FANCD2: variants seen among roughly 807,000 people sequenced by gnomAD.
The protein encoded by FANCD2 is Fanconi anemia group D2 protein.
In FANCD2, 131 loss-of-function variants were observed where a neutral mutation model predicts 192.3. The observed-to-expected ratio is 0.68, with a 90% CI of 0.59 to 0.79. FANCD2 has a LOEUF of 0.79. FANCD2 is among the 30% of genes least tolerant of loss of function. The pLI is 0.00. For missense variants in FANCD2, 1,508 were observed against 1,701.6 expected, an observed-to-expected ratio of 0.89 and a Z score of 2.00; for synonymous variants, 524 against 612.5, an observed-to-expected ratio of 0.86 and a Z score of 2.13.
intron 39 of FANCD2, 78 bp downstream of exon 39, chr3:10,093,401 T>C: frequency 8.0e-7 from 1 of 1,250,688 alleles, no homozygotes; most frequent in Non-Finnish European, 1.2e-6. Context: ...CTGAGATAAA[T>C]TGCTCAATTT....
Position 10,032,839 on chromosome 3 carries a change from G to A in FANCD2, c.72G>A (p.Arg24=), listed in dbSNP as rs1182307046. 1 of 1,612,652 alleles carries A rather than the reference G, an allele frequency of 6.2e-7. No homozygotes were observed. Among genetic ancestry groups the A allele is most frequent in the Non-Finnish European group, 8.5e-7 (1 of 1,179,312 alleles). The stretch of plus-strand genomic sequence containing the variant: ...AAATTTTTCTATTTTCAGAAACCAG[G>A]AAGCAACCACTTTCCAAAAAGACAA... ...ESLTEDASKT[R]KQPLSKKTKK... The change falls in exon 3 of 44, where the codon AGG becomes AGA. Residue 24 remains arginine (R), a synonymous_variant. Transcript: ENST00000675286.
chr3:10,033,921 T>A (rs1204629423), intron 3 of FANCD2, among the ~76,000 whole-genome samples: 1 of 150,858 alleles, frequency 6.6e-6, no homozygotes, highest in Non-Finnish European at 1.5e-5. Context: ...ATGGTCTTGA[T>A]CTCCTGACCT....
intron 21 of FANCD2, 61 bp downstream of exon 21, chr3:10,063,972 C>G: frequency 6.2e-7 from 1 of 1,612,828 alleles, no homozygotes; most frequent in Non-Finnish European, 8.5e-7. Flanking sequence ...CTACACTCTT[C>G]AAGTCTTTCT....
intron 18 of FANCD2, among the ~76,000 whole-genome samples, chr3:10,055,464 A>C (rs1277033609): frequency 1.3e-5 from 2 of 152,142 alleles, no homozygotes. Context: ...AATATTTTCA[A>C]GGTTCATGTA....
At chr3:10,033,836 T>C (rs1321696175) in intron 3 of FANCD2, among the ~76,000 whole-genome samples, 1 of 148,700 alleles carries the variant, frequency 6.7e-6, no homozygotes, top group African/African-American at 2.5e-5. Flanking sequence ...TAGCTGGGAC[T>C]ACAGGCGCCC....
At chr3:10,100,359 G>C (rs1344236386) in intron 43 of FANCD2, among the ~76,000 whole-genome samples, 1 of 152,148 alleles carries the variant, frequency 6.6e-6, no homozygotes, top group Admixed American at 6.5e-5. Context: ...CTGGATTCCT[G>C]TTGAGATACA....
At chr3:10,046,261 G>C (rs1013116639) in intron 14 of FANCD2, among the ~76,000 whole-genome samples, 1 of 151,756 alleles carries the variant, frequency 6.6e-6, no homozygotes, top group Admixed American at 6.6e-5. Flanking sequence ...CACCGTGTTA[G>C]TCAGGATGGT....
chr3:10,036,502 A>C (rs1012905791), intron 7 of FANCD2, among the ~76,000 whole-genome samples, 163 bp downstream of exon 7: 1 of 152,060 alleles, frequency 6.6e-6, no homozygotes, highest in African/African-American at 2.4e-5. Flanking sequence ...AGTTTCATCT[A>C]TTAATATGAC....
chr3:10,035,439 C>A (rs964084052), intron 6 of FANCD2, among the ~76,000 whole-genome samples: 7 of 152,126 alleles, frequency 4.6e-5, no homozygotes, highest in African/African-American at 1.2e-4. Flanking sequence ...ATACATCTGG[C>A]GGCCCCATTT....
rs537921299 is a variant in FANCD2, at chr3:10,087,262, T to A, written c.3464T>A (p.Ile1155Asn). ...GCTTCTGCTCAGAACAAAGAAAAAA[T>A]TGGTGATGGGCCTAGATCCTTTTTT... ...STASAQNKEK[I>N]ASLARQFLCR... The change falls in exon 34 of 44, where the codon ATT becomes AAT. Residue 1155 changes from isoleucine (I) to asparagine (N), a missense_variant and splice_region_variant. Ile to Asn is a moderately radical substitution (Grantham distance 149). Coordinates refer to ENST00000675286, the MANE Select transcript of FANCD2 (RefSeq NM_001018115.3). 1.9e-6 allele frequency: 3 copies of A among 1,604,756 alleles called. No homozygotes were observed. Among genetic ancestry groups the A allele is most frequent in the East Asian group, 2.2e-5 (1 of 44,726 alleles).
At chr3:10,094,912 G>A (rs113363588) in intron 40 of FANCD2, 2 of 451,122 alleles carry the variant, frequency 4.4e-6, no homozygotes, top group East Asian at 4.2e-5. Flanking sequence ...AGGGAAGGTG[G>A]TATTTTATCC....
intron 3 of FANCD2, 62 bp from the exon 4 acceptor site, chr3:10,034,407 G>GT: frequency 8.5e-7 from 1 of 1,173,134 alleles, no homozygotes; most frequent in Non-Finnish European, 1.3e-6. Flanking sequence ...AGAAACTTGG[G>GT]TTTTTAGAGA....
intron 18 of FANCD2, among the ~76,000 whole-genome samples, chr3:10,053,421 A>G (rs1343837802): frequency 2.0e-5 from 3 of 151,824 alleles, no homozygotes; most frequent in Non-Finnish European, 4.4e-5. Context: ...AGATACACCT[A>G]ATGCTAGATG....
In FANCD2 at chr3:10,039,261, C is replaced by G; in HGVS notation, c.492-18C>G. On this transcript the variant is annotated intron_variant, in intron 7 of 43. Coordinates refer to ENST00000675286, the MANE Select transcript of FANCD2 (RefSeq NM_001018115.3). ...CCAGAAAGGCTCAGTTCCCTGTTTT[C>G]TCTTCCTAACATTTTAGCAAGAACA... is the stretch of plus-strand genomic sequence containing the variant. 1.9e-6 allele frequency: 3 copies of G among 1,596,394 alleles called. No homozygotes were observed. Among genetic ancestry groups the G allele is most frequent in the Non-Finnish European group, 2.6e-6 (3 of 1,164,920 alleles).
intron 18 of FANCD2, among the ~76,000 whole-genome samples, chr3:10,054,853 TAAA>T (rs976967200): frequency 6.8e-6 from 1 of 147,540 alleles, no homozygotes; most frequent in African/African-American, 2.5e-5. Flanking sequence ...TTTTTTTAAT[TAAA>T]AAAAAAACTT....
chr3:10,086,868 G>C lies in FANCD2; in HGVS notation c.3336-266G>C, dbSNP rs537538955. ...ATCTAGGGTTGTACATATTAGCGTG[G>C]TGCTTGGGTTTCTCAGCATACATGA... On this transcript the variant is annotated intron_variant, in intron 33 of 43. Transcript: ENST00000675286. Among the ~76,000 whole-genome samples the C allele has an allele frequency of 4.9e-4, 74 of 152,266 alleles. 1 individual carries two copies. Among genetic ancestry groups the C allele is most frequent in the Non-Finnish European group, 9.7e-4 (66 of 68,016 alleles).
At chr3:10,069,475 C>G (rs1435318908) in intron 26 of FANCD2, among the ~76,000 whole-genome samples, 2 of 138,616 alleles carry the variant, frequency 1.4e-5, no homozygotes, top group Non-Finnish European at 3.0e-5. Context: ...CCCCCTCCCC[C>G]TCCCCCTCCC....
chr3:10,052,172 A>C (rs921430580), intron 17 of FANCD2, among the ~76,000 whole-genome samples: 1 of 152,204 alleles, frequency 6.6e-6, no homozygotes, highest in Admixed American at 6.5e-5. Flanking sequence ...AGATTTAGAA[A>C]GTTGTAAGAA....
In FANCD2 at chr3:10,042,630, T is replaced by C. The variant is rs754358457; in HGVS notation, c.855T>C (p.Ile285=). The change falls in exon 11 of 44, where the codon ATT becomes ATC. Residue 285 remains isoleucine, a synonymous_variant. Coordinates refer to ENST00000675286, the MANE Select transcript of FANCD2 (RefSeq NM_001018115.3). Reference sequence around the variant, plus strand: ...ATTTACCTGTGATAATAAAGTTCATTCTTCATTCCGTAACAGCCATGGATA... The same window carrying C: ...ATTTACCTGTGATAATAAAGTTCATCCTTCATTCCGTAACAGCCATGGATA... ...LEDLPVIIKF[I]LHSVTAMDTL... is the part of the protein sequence containing the mutation. 2.5e-6 allele frequency: 4 copies of C among 1,614,030 alleles called. No individual in the cohort carries two copies. Among genetic ancestry groups the C allele is most frequent in the South Asian group, 2.2e-5 (2 of 91,080 alleles).
Sources: gnomAD v4.1 joint callset for allele counts (sites outside exome capture counted in the v4.1 genomes callset) on GRCh38, gnomAD v4.1.1 for gene constraint, MANE v1.5 for transcripts, NCBI Gene and HGNC (gene_info 2026-07-23, HGNC 2026-07-21) for gene names.